Variants in HYCC1 observed in about 807,000 individuals in gnomAD.
HYCC1 encodes the protein hyccin.
chr7:22,974,167 G>C, the HYCC1 span, among the ~76,000 whole-genome samples: 1 of 152,044 alleles, frequency 6.6e-6, no homozygotes, highest in Admixed American at 6.6e-5. Context: ...GTCGATAACA[G>C]AGTTTTCACT....
At chr7:23,008,093 A>G in the HYCC1 span, among the ~76,000 whole-genome samples, 2 of 152,124 alleles carry the variant, frequency 1.3e-5, no homozygotes, top group Admixed American at 1.3e-4. Flanking sequence ...ATAAGGATTA[A>G]GTGTTAGCAA....
the HYCC1 span, among the ~76,000 whole-genome samples, chr7:22,992,397 A>G: frequency 3.9e-5 from 6 of 152,218 alleles, no homozygotes; most frequent in South Asian, 1.0e-3. Context: ...AAAACCACAT[A>G]TATGTACTGT....
the HYCC1 span, among the ~76,000 whole-genome samples, chr7:22,918,567 G>A: frequency 0.061 from 9,255 of 152,162 alleles, 406 homozygotes; most frequent in Admixed American, 0.13. Context: ...AGGCCTCTGA[G>A]CCCAAGCCTG....
chr7:23,004,929 C>T, the HYCC1 span, among the ~76,000 whole-genome samples: 1 of 152,092 alleles, frequency 6.6e-6, no homozygotes, highest in Non-Finnish European at 1.5e-5. Flanking sequence ...CCTCAGCCTC[C>T]TGAGTAGCTG....
At chr7:23,009,547 AG>A in the HYCC1 span, among the ~76,000 whole-genome samples, 2 of 152,294 alleles carry the variant, frequency 1.3e-5, no homozygotes, top group African/African-American at 4.8e-5. Flanking sequence ...TTCTGTTTTC[AG>A]CCCCCTATGA....
chr7:22,933,597 C>A, the HYCC1 span, among the ~76,000 whole-genome samples: 6 of 151,972 alleles, frequency 3.9e-5, no homozygotes, highest in Non-Finnish European at 7.4e-5. Context: ...CTTGTAGTCA[C>A]CATATAGTTT....
the HYCC1 span, chr7:22,976,064 T>C: frequency 2.4e-5 from 15 of 632,860 alleles, no homozygotes; most frequent in East Asian, 3.3e-4. Context: ...GAACTTTCCA[T>C]GTGTTGGGTA....
the HYCC1 span, among the ~76,000 whole-genome samples, chr7:22,932,373 G>C: frequency 1.3e-5 from 2 of 152,136 alleles, no homozygotes; most frequent in Admixed American, 1.3e-4. Flanking sequence ...CCAGAAGATG[G>C]AGCACCAAGT....
chr7:22,948,786 G>T, the HYCC1 span, among the ~76,000 whole-genome samples: 10 of 151,990 alleles, frequency 6.6e-5, no homozygotes, highest in African/African-American at 2.4e-4. Context: ...TCCTAGATAG[G>T]CTGAAGAATG....
chr7:22,905,524 C>T, the HYCC1 span, among the ~76,000 whole-genome samples: 1,020 of 150,954 alleles, frequency 6.8e-3, 11 homozygotes, highest in Non-Finnish European at 0.01. Flanking sequence ...CATGAGCCAC[C>T]GATTTGAAGG....
chr7:22,902,361 T>TA, the HYCC1 span, among the ~76,000 whole-genome samples: 99,971 of 149,666 alleles, frequency 0.67, 33,246 homozygotes, highest in African/African-American at 0.69. Context: ...TTTAAGAAGC[T>TA]AAAAAAAAAC....
chr7:22,991,848 T>A, the HYCC1 span, among the ~76,000 whole-genome samples: 3 of 152,130 alleles, frequency 2.0e-5, no homozygotes, highest in East Asian at 3.8e-4. Context: ...TTGAGCTCTA[T>A]CTGAATTTCC....
At chr7:22,944,457 C>T in the HYCC1 span, 11 of 152,184 alleles carry the variant, frequency 7.2e-5, no homozygotes, top group African/African-American at 2.6e-4. Flanking sequence ...TGATATCATA[C>T]TAAGATATTT....
At chr7:23,005,094 G>A in the HYCC1 span, among the ~76,000 whole-genome samples, 3 of 152,110 alleles carry the variant, frequency 2.0e-5, no homozygotes, top group Non-Finnish European at 4.4e-5. Context: ...TGAAAGCCAC[G>A]GCGCCCGGCC....
chr7:22,917,434 T>G, the HYCC1 span, among the ~76,000 whole-genome samples: 1 of 152,140 alleles, frequency 6.6e-6, no homozygotes, highest in Non-Finnish European at 1.5e-5. Context: ...TCCTGAGGGA[T>G]TGTTCAGGCC....
At chr7:22,904,227 C>T in the HYCC1 span, among the ~76,000 whole-genome samples, 135 of 151,614 alleles carry the variant, frequency 8.9e-4, no homozygotes, top group African/African-American at 3.1e-3. Context: ...GTCAGGAGAT[C>T]GAGACCATCT....
chr7:22,910,195 A>G, the HYCC1 span, among the ~76,000 whole-genome samples: 5 of 152,348 alleles, frequency 3.3e-5, no homozygotes, highest in Non-Finnish European at 7.3e-5. Flanking sequence ...GAGGTGGCGC[A>G]TAGTGGGAGG....
chr7:22,976,833 G>GA, the HYCC1 span: 936 of 1,366,446 alleles, frequency 6.8e-4, no homozygotes, highest in Non-Finnish European at 8.5e-4. Context: ...TTTGAATAAA[G>GA]AAAAAAAAAG....
At chr7:22,976,350 A>C in the HYCC1 span, 2 of 1,405,428 alleles carry the variant, frequency 1.4e-6, no homozygotes, top group African/African-American at 2.8e-5. Context: ...TAGAATTCTA[A>C]GAAGTCAACT....
Sources: allele counts gnomAD v4.1 joint callset (sites outside exome capture counted in the v4.1 genomes callset), GRCh38; gene constraint gnomAD v4.1.1; transcripts MANE v1.5; gene names NCBI Gene and HGNC (gene_info 2026-07-23, HGNC 2026-07-21).